Variants in SEH1L observed in about 807,000 individuals in gnomAD.
SEH1L encodes SEH1 like nucleoporin, also known as nucleoporin SEH1.
In SEH1L, 18 loss-of-function variants were observed where a neutral mutation model predicts 49.5. That is an observed-to-expected ratio of 0.36 (90% confidence interval 0.25 to 0.54). The LOEUF (loss-of-function observed/expected upper bound fraction) is 0.54, where lower values mean the gene tolerates loss of function less well. SEH1L is among the 20% of genes least tolerant of loss of function. The pLI, the probability that SEH1L is intolerant of heterozygous loss-of-function variation, is 0.87. For synonymous variants in SEH1L, 169 were observed against 178.1 expected, an observed-to-expected ratio of 0.95 and a Z score of 0.41; for missense variants, 404 against 528.8, an observed-to-expected ratio of 0.76 and a Z score of 2.31.
At chr18:12,986,166 TA>T in intron 8 of SEH1L, 1 of 984,968 alleles carries the variant, frequency 1.0e-6, no homozygotes, top group South Asian at 4.7e-5. Context: ...CTGTTTAAAT[TA>T]ATTCATGTCC....
At chr18:12,979,890 C>A (rs1598976195) in intron 6 of SEH1L, among the ~76,000 whole-genome samples, 1 of 139,516 alleles carries the variant, frequency 7.2e-6, no homozygotes, top group African/African-American at 2.7e-5. Context: ...CCCCCACCTC[C>A]TTCGCGGACG....
At chr18:12,981,099 TCAGA>T (rs1275640960) in intron 6 of SEH1L, among the ~76,000 whole-genome samples, 2 of 147,722 alleles carry the variant, frequency 1.4e-5, no homozygotes, top group African/African-American at 5.1e-5. Context: ...TCCTCACTTC[TCAGA>T]CAGGGCGGCC....
intron 6 of SEH1L, among the ~76,000 whole-genome samples, chr18:12,979,769 G>A (rs1226927971): frequency 6.2e-4 from 83 of 133,568 alleles, no homozygotes; most frequent in African/African-American, 1.9e-3. Context: ...CCTCCCTCCC[G>A]GACGGGGCGG....
intron 5 of SEH1L, chr18:12,973,092 C>G (rs1390720411): frequency 1.3e-5 from 2 of 152,148 alleles, no homozygotes; most frequent in Non-Finnish European, 2.9e-5. Flanking sequence ...CCTGTAGTTC[C>G]AGCTACTTGG....
chr18:12,980,726 G>A (rs1235147985), intron 6 of SEH1L, among the ~76,000 whole-genome samples: 1 of 52,574 alleles, frequency 1.9e-5, no homozygotes, highest in Non-Finnish European at 3.7e-5. Context: ...CGGACGGGGC[G>A]GCTGGCCGGG....
chr18:12,980,516 G>A (rs1598978293), intron 6 of SEH1L, among the ~76,000 whole-genome samples: 1 of 68,972 alleles, frequency 1.4e-5, no homozygotes, highest in African/African-American at 6.1e-5. Context: ...CCGGGCGGGG[G>A]GCTGACCCCC....
At chr18:12,985,890 A>T in intron 8 of SEH1L, 1 of 968,450 alleles carries the variant, frequency 1.0e-6, no homozygotes, top group Non-Finnish European at 1.2e-6. Context: ...TAGCCAGGTT[A>T]AGCATTTGGT....
intron 3 of SEH1L, among the ~76,000 whole-genome samples, chr18:12,961,763 C>A (rs2145622977): frequency 6.6e-6 from 1 of 152,228 alleles, no homozygotes; most frequent in East Asian, 1.9e-4. Context: ...GCCGACCACA[C>A]TCAAGCGATT....
At chr18:12,978,568 G>C (rs1302512765) in intron 5 of SEH1L, 184 bp from the exon 6 acceptor site, 2 of 477,830 alleles carry the variant, frequency 4.2e-6, no homozygotes, top group Non-Finnish European at 7.4e-6. Flanking sequence ...TTTGAATAAG[G>C]TCACATTCAC....
intron 3 of SEH1L, among the ~76,000 whole-genome samples, chr18:12,961,375 A>T (rs1266583680): frequency 6.6e-6 from 1 of 152,128 alleles, no homozygotes; most frequent in Non-Finnish European, 1.5e-5. Flanking sequence ...GCAACCAATG[A>T]TTAGTTTAGA....
chr18:12,949,448 T>TG (rs2030362770), intron 1 of SEH1L, among the ~76,000 whole-genome samples: 2 of 113,016 alleles, frequency 1.8e-5, no homozygotes, highest in Admixed American at 1.7e-4. Context: ...AACCGTTTTT[T>TG]TTTTTTTTTT....
chr18:12,961,997 T>C (rs529280518), intron 3 of SEH1L, among the ~76,000 whole-genome samples: 1 of 152,312 alleles, frequency 6.6e-6, no homozygotes, highest in Admixed American at 6.5e-5. Context: ...TTTCATCTTA[T>C]CTGTGTGCCA....
chr18:12,985,775 C>T (rs1339568610), intron 8 of SEH1L: 2 of 947,292 alleles, frequency 2.1e-6, no homozygotes, highest in African/African-American at 1.8e-5. Flanking sequence ...CCATGATATT[C>T]AGTACAACTC....
intron 3 of SEH1L, among the ~76,000 whole-genome samples, chr18:12,962,332 G>GTAC: frequency 6.6e-6 from 1 of 150,880 alleles, no homozygotes; most frequent in Non-Finnish European, 1.5e-5. Context: ...CATGATCATG[G>GTAC]TACTGTACTC....
intron 6 of SEH1L, among the ~76,000 whole-genome samples, chr18:12,980,365 G>C (rs1365356914): frequency 8.0e-6 from 1 of 125,154 alleles, no homozygotes; most frequent in South Asian, 3.1e-4. Flanking sequence ...CTGGCAGGGC[G>C]GGGGGCTGAC....
intron 1 of SEH1L, chr18:12,948,848 CT>C (rs920060634): frequency 1.4e-3 from 191 of 132,028 alleles, no homozygotes; most frequent in Middle Eastern, 0.013. Context: ...AATTTCTTTT[CT>C]TTTTTTTTTT....
At chr18:12,975,981 CAT>C (rs1053392676) in intron 5 of SEH1L, 37 of 637,526 alleles carry the variant, frequency 5.8e-5, no homozygotes, top group Admixed American at 6.3e-5. Flanking sequence ...TTATTTCAGA[CAT>C]ATGTTTGAGG....
At position 12,984,199 on chromosome 18, in the gene SEH1L, C is replaced by T; in HGVS notation, c.1070+9C>T. 1.9e-6 allele frequency: 3 copies of T among 1,612,212 alleles called. No homozygotes were observed. The South Asian group carries it at 3.3e-5, about 18-fold the overall frequency. On this transcript the variant is annotated intron_variant, in intron 8 of 8. Coordinates refer to ENST00000399892, the MANE Select transcript of SEH1L (RefSeq NM_001013437.2). ...GGATCTTCTGCTGGCAGGTAGGCTG[C>T]TTCATGGGAAAACTGGAAATCATCT... is the stretch of plus-strand genomic sequence containing the variant.
At chr18:12,972,514 G>C (rs954556868) in intron 5 of SEH1L, 2 of 152,206 alleles carry the variant, frequency 1.3e-5, no homozygotes, top group Non-Finnish European at 2.9e-5. Context: ...CACTTGTCAG[G>C]TGATCAGATG....
Sources: allele counts gnomAD v4.1 joint callset (sites outside exome capture counted in the v4.1 genomes callset), GRCh38; gene constraint gnomAD v4.1.1; transcripts MANE v1.5; gene names NCBI Gene and HGNC (gene_info 2026-07-23, HGNC 2026-07-21).